Variants in COL12A1 observed in about 807,000 individuals in gnomAD.
COL12A1 encodes the protein collagen type XII alpha 1 chain, also known as collagen alpha-1(XII) chain.
COL12A1 carries 114 observed loss-of-function variants against 349.7 expected under a neutral mutation model. That is an observed-to-expected ratio of 0.33 (90% CI 0.28 to 0.38). COL12A1 has a LOEUF of 0.38. Ranked by LOEUF, COL12A1 falls within the 10% of genes least tolerant of loss-of-function variation. The pLI is 1.00. For missense variants in COL12A1, 3,284 were observed against 3,756.9 expected (o/e 0.87, Z 3.29); for synonymous variants, 1,369 against 1,329.0 (o/e 1.03, Z -0.66).
intron 59 of COL12A1, among the ~76,000 whole-genome samples, chr6:75,095,770 C>A (rs1767993946): frequency 6.6e-6 from 1 of 151,982 alleles, no homozygotes; most frequent in Non-Finnish European, 1.5e-5. Flanking sequence ...ATCAGTTTCA[C>A]AATTTAAGAC....
intron 43 of COL12A1, 92 bp from the exon 44 acceptor site, chr6:75,121,533 G>A (rs1372812517): frequency 1.5e-6 from 2 of 1,378,922 alleles, no homozygotes; most frequent in Non-Finnish European, 1.9e-6. Context: ...ATAACACCTT[G>A]CTACGCAAAG....
chr6:75,147,847 A>G, intron 22 of COL12A1, 43 bp from the exon 23 acceptor site: 5 of 1,594,116 alleles, frequency 3.1e-6, no homozygotes, highest in Non-Finnish European at 3.4e-6. Flanking sequence ...ATGTATAATC[A>G]GTTCCCTTTT....
In COL12A1 at chr6:75,152,192, G is replaced by T. The variant is rs375043994; in HGVS notation, c.3774C>A (p.Asp1258Glu). Residue 1258 changes from aspartate to glutamate, a missense_variant, in exon 19 of 66, where the codon GAC becomes GAA. Asp to Glu is a conservative substitution (Grantham distance 45). Around this residue, in one of 2 missense-constraint regions of COL12A1, gnomAD observed 2,601 missense variants for 2,824.8 expected, o/e 0.92. Coordinates refer to ENST00000322507, the MANE Select transcript of COL12A1 (RefSeq NM_004370.6). ...CCACAGCTTGCAACAAGCTCTTCTT[G>T]TCTCTGTGTGCATTTAACTGCCACT... ...RTEWQLNAHRDKKSLLQAVAN... is the reference protein window; with the variant it reads ...RTEWQLNAHREKKSLLQAVAN... The T allele has an allele frequency of 4.3e-6, 7 of 1,613,608 alleles. No individual in the cohort carries two copies. The highest frequency in any genetic ancestry group is 1.3e-5 in the African/African-American group (1 of 74,862).
intron 14 of COL12A1, among the ~76,000 whole-genome samples, chr6:75,163,786 T>C (rs1219934963): frequency 1.3e-5 from 2 of 152,232 alleles, no homozygotes; most frequent in African/African-American, 4.8e-5. Context: ...GAGATTTATT[T>C]AGTTTCTGCC....
At position 75,094,947 on chromosome 6, in the gene COL12A1, T is replaced by A. The variant is rs116793648; in HGVS notation, c.8649+161A>T. Among the ~76,000 whole-genome samples the A allele has an allele frequency of 0.015, 2,361 of 152,338 alleles. 55 individuals carry two copies. The highest frequency in any genetic ancestry group is 0.053 in the African/African-American group (2,208 of 41,566). On this transcript the variant is annotated intron_variant, in intron 60 of 65. Transcript: ENST00000322507. ...TATAACAACCCAGAGAGAAAAATTTTGAACTAGTACCAAGTCAAATCCATG... is the reference window on the plus strand; with the variant it reads ...TATAACAACCCAGAGAGAAAAATTTAGAACTAGTACCAAGTCAAATCCATG...
At position 75,123,990 on chromosome 6, in the gene COL12A1, G is replaced by C. The variant is rs758182752; in HGVS notation, c.6829C>G (p.Pro2277Ala). 8.1e-6 allele frequency: 13 copies of C among 1,613,520 alleles called. No individual in the cohort carries two copies. The African/African-American group carries it at 1.7e-4, about 22-fold the overall frequency. Residue 2277 changes from proline (P) to alanine (A), a missense_variant, in exon 42 of 66, where the codon CCA becomes GCA. This residue lies in a region of COL12A1 where 2,601 missense variants were observed against 2,824.8 expected (regional missense o/e 0.92). Transcript: ENST00000322507. ...GAGACTCCTGGTCCCTCGAGATTTG[G>C]TGTCTGCACAAAAACAGTGACACCA... is the stretch of plus-strand genomic sequence containing the variant. ...DYGVTVFVQT[P>A]NLEGPGVSVK...
chr6:75,155,992 T>C (rs1767739156), intron 15 of COL12A1, 138 bp from the exon 16 acceptor site: 1 of 969,850 alleles, frequency 1.0e-6, no homozygotes, highest in Admixed American at 3.1e-5. Flanking sequence ...TCCATAGAAG[T>C]CCAGATAACA....
At chr6:75,152,559 C>T in intron 17 of COL12A1, 77 bp from the exon 18 acceptor site, 1 of 1,527,150 alleles carries the variant, frequency 6.5e-7, no homozygotes, top group Non-Finnish European at 9.0e-7. Flanking sequence ...ACCTCTACCA[C>T]TCCCTGGATC....
At chr6:75,122,144 T>A (rs1188795884) in intron 43 of COL12A1, among the ~76,000 whole-genome samples, 1 of 152,154 alleles carries the variant, frequency 6.6e-6, no homozygotes, top group African/African-American at 2.4e-5. Context: ...CCTGGCCAAG[T>A]CCTTTGTAAA....
intron 59 of COL12A1, among the ~76,000 whole-genome samples, chr6:75,096,161 A>G (rs1354023511): frequency 6.6e-6 from 1 of 152,198 alleles, no homozygotes; most frequent in Non-Finnish European, 1.5e-5. Context: ...TGTACTGGCC[A>G]ATATGTCATG....
At position 75,201,106 on chromosome 6, in the gene COL12A1, A is replaced by G. The variant is rs536811130; in HGVS notation, c.73+1614T>C. On this transcript the variant is annotated intron_variant, in intron 2 of 65. Coordinates refer to ENST00000322507, the MANE Select transcript of COL12A1 (RefSeq NM_004370.6). ...AGAATCAATTTTTTCCACTTACATC[A>G]TTTCCAGCCTAACTCTTTTTCTAAG... Among the ~76,000 whole-genome samples, 88 of 152,280 alleles carry G rather than the reference A, an allele frequency of 5.8e-4. 1 individual carries two copies. The South Asian group carries it at 0.017, about 29-fold the overall frequency.
At chr6:75,193,597 A>G (rs1222576782) in intron 3 of COL12A1, among the ~76,000 whole-genome samples, 1 of 152,186 alleles carries the variant, frequency 6.6e-6, no homozygotes, top group Admixed American at 6.5e-5. Context: ...TTTTTAAATT[A>G]TACTTTAAGT....
chr6:75,130,801 C>T (rs1562180236), intron 36 of COL12A1, 51 bp downstream of exon 36: 1 of 1,607,390 alleles, frequency 6.2e-7, no homozygotes, highest in East Asian at 2.2e-5. Flanking sequence ...CAGAGAAGCC[C>T]TGCCAATCTA....
rs1206474577 is a variant in COL12A1, at chr6:75,151,199, T to C, written c.4089A>G (p.Ser1363=). ...TGAGATCATCCACTATCCTGGAGAG[T>C]GACTCAAAATCTGCCACATTGTATG... is the stretch of plus-strand genomic sequence containing the variant. The part of the protein sequence containing the change: ...THAYNVADFE[S]LSRIVDDLTI... Residue 1363 remains serine, a synonymous_variant, in exon 21 of 66, where the codon TCA becomes TCG. Transcript: ENST00000322507. The C allele has an allele frequency of 1.2e-6, 2 of 1,613,262 alleles. No individual in the cohort carries two copies. The highest frequency in any genetic ancestry group is 1.3e-5 in the African/African-American group (1 of 74,808).
At position 75,152,191 on chromosome 6, in the gene COL12A1, T is replaced by C; in HGVS notation, c.3775A>G (p.Lys1259Glu). ...TEWQLNAHRD[K>E]KSLLQAVANL... ...GCCACAGCTTGCAACAAGCTCTTCT[T>C]GTCTCTGTGTGCATTTAACTGCCAC... The change falls in exon 19 of 66, where the codon AAG (lysine) becomes GAG (glutamate). Residue 1259 changes from lysine (K) to glutamate (E), a missense_variant. Physicochemically the swap from Lys to Glu is moderately conservative, Grantham distance 56. Around this residue, in one of 2 missense-constraint regions of COL12A1, gnomAD observed 2,601 missense variants for 2,824.8 expected, o/e 0.92. Transcript: ENST00000322507. The C allele has an allele frequency of 6.2e-7, 1 of 1,613,824 alleles. No homozygotes were observed. The highest frequency in any genetic ancestry group is 8.5e-7 in the Non-Finnish European group (1 of 1,179,822).
At chr6:75,098,952 G>T (rs2300796) in intron 58 of COL12A1, among the ~76,000 whole-genome samples, 5,140 of 152,168 alleles carry the variant, frequency 0.034, 164 homozygotes, top group East Asian at 0.19. Context: ...GCATTCACTC[G>T]CAACAGCAGA....
At chr6:75,150,319 G>A (rs1428646971) in intron 21 of COL12A1, among the ~76,000 whole-genome samples, 2 of 151,754 alleles carry the variant, frequency 1.3e-5, no homozygotes, top group Admixed American at 1.3e-4. Flanking sequence ...ATCCTTTTTT[G>A]GTATAAATCC....
At chr6:75,184,244 T>A in intron 8 of COL12A1, 100 bp from the exon 9 acceptor site, 3 of 1,253,534 alleles carry the variant, frequency 2.4e-6, no homozygotes, top group Non-Finnish European at 3.3e-6. Flanking sequence ...TTCAAATTCA[T>A]CCTAAATACA....
chr6:75,130,345 C>T (rs1020288762), intron 36 of COL12A1, 112 bp from the exon 37 acceptor site: 3 of 1,012,232 alleles, frequency 3.0e-6, no homozygotes, highest in Admixed American at 2.7e-5. Context: ...GATGTTTCCT[C>T]CCATATAATA....
Sources: gnomAD v4.1 joint callset for allele counts (sites outside exome capture counted in the v4.1 genomes callset) on GRCh38, gnomAD v4.1.1 for gene constraint, gnomAD v4.1.1 regional missense constraint, MANE v1.5 for transcripts, NCBI Gene and HGNC (gene_info 2026-07-23, HGNC 2026-07-21) for gene names.